ROBO2: variants seen among roughly 807,000 people sequenced by gnomAD.
ROBO2 encodes roundabout guidance receptor 2.
ROBO2 carries 53 observed loss-of-function variants against 160.8 expected under a neutral mutation model. That is an observed-to-expected ratio of 0.33 (90% confidence interval 0.26 to 0.41). The LOEUF (loss-of-function observed/expected upper bound fraction) is 0.41. ROBO2 is among the 10% of genes least tolerant of loss of function. The pLI, the probability that ROBO2 is intolerant of heterozygous loss-of-function variation, is 1.00. For missense variants in ROBO2, 1,577 were observed against 1,722.4 expected, an observed-to-expected ratio of 0.92 and a Z score of 1.49; for synonymous variants, 664 against 611.7, an observed-to-expected ratio of 1.09 and a Z score of -1.26.
chr3:75,913,391 A>T (rs1288018652), intron 1 of ROBO2, among the ~76,000 whole-genome samples: 1 of 152,148 alleles, frequency 6.6e-6, no homozygotes, highest in Non-Finnish European at 1.5e-5. Flanking sequence ...ATCTTTTGGG[A>T]CTATTATGCA....
At chr3:76,251,439 C>A (rs552445110) in intron 2 of ROBO2, among the ~76,000 whole-genome samples, 228 of 152,094 alleles carry the variant, frequency 1.5e-3, no homozygotes, top group Middle Eastern at 0.014. Context: ...TAATATAAAT[C>A]TACAGTTATA....
intron 2 of ROBO2, among the ~76,000 whole-genome samples, chr3:76,049,384 T>TGTGTAA (rs1491232909): frequency 2.0e-4 from 13 of 66,222 alleles, no homozygotes; most frequent in African/African-American, 1.3e-3. Flanking sequence ...CTAATTTTAG[T>TGTGTAA]ATATATATAT....
intron 2 of ROBO2, among the ~76,000 whole-genome samples, chr3:76,323,138 TACACACACACACACACACACAC>T (rs71874425): frequency 6.9e-6 from 1 of 143,956 alleles, no homozygotes; most frequent in Admixed American, 7.0e-5. Context: ...TTGTTAGTAT[TACACACACACACACACACACAC>T]ACACACACAC....
chr3:76,989,888 G>A (rs1272508643), intron 2 of ROBO2, among the ~76,000 whole-genome samples: 2 of 152,014 alleles, frequency 1.3e-5, no homozygotes, highest in African/African-American at 2.4e-5. Context: ...GCATGAACAG[G>A]GGCATAGTTG....
At chr3:77,166,711 C>T (rs913707508) in intron 2 of ROBO2, among the ~76,000 whole-genome samples, 1 of 150,792 alleles carries the variant, frequency 6.6e-6, no homozygotes, top group Non-Finnish European at 1.5e-5. Flanking sequence ...GGCGCCGCCA[C>T]CACTCCCGGC....
chr3:77,559,714 G>C (rs2093257372), intron 9 of ROBO2, among the ~76,000 whole-genome samples: 2 of 151,874 alleles, frequency 1.3e-5, no homozygotes, highest in African/African-American at 4.8e-5. Flanking sequence ...TCTGATTATC[G>C]CTATATCATA....
intron 2 of ROBO2, among the ~76,000 whole-genome samples, chr3:76,296,809 A>G (rs1433029727): frequency 1.3e-5 from 2 of 152,160 alleles, no homozygotes; most frequent in Admixed American, 6.5e-5. Context: ...GACTTTATAG[A>G]TTCAATGTCT....
rs1027696153 is a variant in ROBO2, at chr3:76,499,335, G to T, written c.109+561733G>T. Among the ~76,000 whole-genome samples the T allele has an allele frequency of 2.6e-5, 4 of 152,258 alleles. No individual in the cohort carries two copies. In the South Asian group the frequency reaches 8.3e-4, roughly 32 times the overall value. ...CATATGACTGTCCCTAGATTCCAAA[G>T]AAAATGTGAAGTGAAAAAATGATAT... On this transcript the variant is annotated intron_variant, in intron 2 of 26. Coordinates refer to the ROBO2 transcript ENST00000487694.
At chr3:76,094,722 G>A (rs1201381882) in intron 2 of ROBO2, among the ~76,000 whole-genome samples, 3 of 152,156 alleles carry the variant, frequency 2.0e-5, no homozygotes, top group African/African-American at 7.2e-5. Context: ...ACAAAACTAT[G>A]TAAATATTGT....
chr3:76,147,001 A>G (rs1356583393), intron 2 of ROBO2, among the ~76,000 whole-genome samples: 6 of 151,312 alleles, frequency 4.0e-5, no homozygotes, highest in Non-Finnish European at 8.9e-5. Context: ...GGAGAAGATC[A>G]GGAAAAATAA....
intron 2 of ROBO2, among the ~76,000 whole-genome samples, chr3:76,033,164 A>G (rs947753544): frequency 6.6e-6 from 1 of 152,074 alleles, no homozygotes; most frequent in South Asian, 2.1e-4. Context: ...GGGGGGAAAA[A>G]TATGGTACTT....
At chr3:76,063,451 C>T (rs2068134343) in intron 2 of ROBO2, among the ~76,000 whole-genome samples, 2 of 150,434 alleles carry the variant, frequency 1.3e-5, no homozygotes, top group South Asian at 2.1e-4. Context: ...CTCAAGCAAT[C>T]CTCCCACCTC....
intron 2 of ROBO2, among the ~76,000 whole-genome samples, chr3:76,394,072 C>T (rs1414408713): frequency 6.6e-6 from 1 of 152,130 alleles, no homozygotes; most frequent in African/African-American, 2.4e-5. Context: ...GGTCTTGACT[C>T]TTTAGCCAAT....
intron 2 of ROBO2, among the ~76,000 whole-genome samples, chr3:76,146,697 GGTGTGT>G (rs139527329): frequency 6.6e-4 from 90 of 136,502 alleles, no homozygotes; most frequent in African/African-American, 2.3e-3. Flanking sequence ...GATTACATAG[GGTGTGT>G]GTGTGTGTGT....
At chr3:77,465,608 A>G (rs55762296) in intron 2 of ROBO2, among the ~76,000 whole-genome samples, 5,843 of 152,246 alleles carry the variant, frequency 0.038, 133 homozygotes, top group South Asian at 0.042. Context: ...TTAAAACTCT[A>G]CTGAAGAAGG....
intron 1 of ROBO2, among the ~76,000 whole-genome samples, chr3:77,049,351 G>T (rs184372713): frequency 2.0e-5 from 3 of 152,158 alleles, no homozygotes; most frequent in East Asian, 3.9e-4. Context: ...ACAAATTTAG[G>T]CTTGAAAAGA....
At chr3:77,566,006 G>T (rs2093468825) in intron 12 of ROBO2, among the ~76,000 whole-genome samples, 1 of 152,018 alleles carries the variant, frequency 6.6e-6, no homozygotes, top group Non-Finnish European at 1.5e-5. Context: ...TTCCCACAGG[G>T]TTCTTCAGAA....
rs1582327798 is a variant in ROBO2 at position 77,481,298 on chromosome 3, T to A, written c.667+79T>A. 7 of 1,255,302 alleles carry A rather than the reference T, an allele frequency of 5.6e-6. No individual in the cohort carries two copies. The East Asian group carries it at 2.0e-4, about 35-fold the overall frequency. The allele number at this position is 1,255,302 out of a possible 1,614,324, so 77.8% of individuals were successfully genotyped here. On this transcript the variant is annotated intron_variant, in intron 4 of 25. Coordinates refer to ENST00000461745, the Ensembl canonical transcript of ROBO2. ...TTTAAGTATTACTAACATTAAAAAC[T>A]GGGCCATATAAGGACAGTTACTCAT... is the stretch of plus-strand genomic sequence containing the variant.
chr3:76,740,129 T>C (rs2093778630), intron 2 of ROBO2, among the ~76,000 whole-genome samples: 1 of 152,180 alleles, frequency 6.6e-6, no homozygotes, highest in Non-Finnish European at 1.5e-5. Context: ...TTGAAGTCAA[T>C]TTGCTTAGAG....
Sources: gnomAD v4.1 joint callset for allele counts (sites outside exome capture counted in the v4.1 genomes callset) on GRCh38, gnomAD v4.1.1 for gene constraint, MANE v1.5 for transcripts, NCBI Gene and HGNC (gene_info 2026-07-23, HGNC 2026-07-21) for gene names.